KAZN: variants seen among roughly 807,000 people sequenced by gnomAD.
The protein encoded by KAZN is kazrin.
A neutral mutation model predicts 87.4 loss-of-function variants in KAZN; 40 were observed. The observed-to-expected ratio is 0.46, with a 90% confidence interval of 0.36 to 0.60. The LOEUF (loss-of-function observed/expected upper bound fraction) is 0.60. Among genes scored for constraint, KAZN ranks in the 20% least tolerant of loss-of-function variants. The pLI is 0.00. For missense variants in KAZN, 898 were observed against 1,073.9 expected (o/e 0.84, Z 2.29); for synonymous variants, 466 against 458.3 (o/e 1.02, Z -0.22).
chr1:14,075,322 C>T (rs1475698491), intron 1 of KAZN, among the ~76,000 whole-genome samples: 1 of 152,134 alleles, frequency 6.6e-6, no homozygotes, highest in Non-Finnish European at 1.5e-5. Flanking sequence ...TGCCTTCTGC[C>T]ACCCCTGGCA....
chr1:14,774,634 C>T (rs980099942), intron 1 of KAZN, among the ~76,000 whole-genome samples: 3 of 152,128 alleles, frequency 2.0e-5, no homozygotes, highest in Non-Finnish European at 4.4e-5. Flanking sequence ...CCACACCTGG[C>T]TAATTTTTTG....
intron 1 of KAZN, among the ~76,000 whole-genome samples, chr1:14,883,231 G>T (rs917172916): frequency 1.3e-5 from 2 of 150,472 alleles, no homozygotes; most frequent in Non-Finnish European, 3.0e-5. Context: ...GGAGGCGGAG[G>T]TTGCGGTGAG....
chr1:14,100,576 A>G (rs1644227862), intron 1 of KAZN, among the ~76,000 whole-genome samples: 1 of 152,184 alleles, frequency 6.6e-6, no homozygotes, highest in Admixed American at 6.5e-5. Flanking sequence ...AGCTGTGACA[A>G]TATGTGGGAA....
chr1:14,023,192 A>G (rs1052220608), intron 1 of KAZN, among the ~76,000 whole-genome samples: 1 of 152,070 alleles, frequency 6.6e-6, no homozygotes, highest in Non-Finnish European at 1.5e-5. Flanking sequence ...GCATGTTGGC[A>G]TGCGCCTGTA....
chr1:14,146,693 T>C (rs1228043129), intron 1 of KAZN, among the ~76,000 whole-genome samples: 1 of 136,190 alleles, frequency 7.3e-6, no homozygotes, highest in Admixed American at 8.1e-5. Context: ...AAAACTCATT[T>C]TGATCATCTC....
chr1:14,886,503 C>A (rs777256913), intron 1 of KAZN, among the ~76,000 whole-genome samples: 1 of 151,932 alleles, frequency 6.6e-6, no homozygotes, highest in Non-Finnish European at 1.5e-5. Flanking sequence ...CATATAAACA[C>A]GCATATGGCC....
intron 1 of KAZN, among the ~76,000 whole-genome samples, chr1:14,700,691 A>G (rs540438033): frequency 1.2e-4 from 19 of 152,202 alleles, no homozygotes; most frequent in African/African-American, 4.3e-4. Flanking sequence ...TCTCGTGTCT[A>G]AAAAGGCAAT....
chr1:14,208,730 T>C (rs2100441249), intron 2 of KAZN, among the ~76,000 whole-genome samples: 1 of 152,268 alleles, frequency 6.6e-6, no homozygotes, highest in African/African-American at 2.4e-5. Context: ...TAACTGATGG[T>C]AAAATAAAGG....
intron 1 of KAZN, among the ~76,000 whole-genome samples, chr1:14,898,594 G>A (rs1484265991): frequency 1.3e-5 from 2 of 152,138 alleles, no homozygotes; most frequent in Non-Finnish European, 2.9e-5. Flanking sequence ...AGCACCTCCA[G>A]CTTACAGGGA....
At chr1:14,937,684 A>G (rs986006661) in intron 1 of KAZN, among the ~76,000 whole-genome samples, 1 of 152,200 alleles carries the variant, frequency 6.6e-6, no homozygotes, top group African/African-American at 2.4e-5. Context: ...TTCCTGGCAC[A>G]TCCCTGATAG....
At chr1:14,475,091 T>G (rs1668647454) in intron 2 of KAZN, among the ~76,000 whole-genome samples, 1 of 151,964 alleles carries the variant, frequency 6.6e-6, no homozygotes, top group Non-Finnish European at 1.5e-5. Context: ...GGATATTGGA[T>G]GCATAGATGA....
At chr1:14,787,196 G>A (rs962885627) in intron 1 of KAZN, among the ~76,000 whole-genome samples, 14 of 152,324 alleles carry the variant, frequency 9.2e-5, no homozygotes, top group Middle Eastern at 3.4e-3. Flanking sequence ...CAATACATGC[G>A]TTCACGTATG....
At chr1:14,019,071 T>C (rs1346082869) in intron 1 of KAZN, among the ~76,000 whole-genome samples, 1 of 152,220 alleles carries the variant, frequency 6.6e-6, no homozygotes, top group African/African-American at 2.4e-5. Context: ...TCAAAAGCTC[T>C]TTCTAATATA....
chr1:14,736,281 G>GTT (rs1557437653), intron 1 of KAZN, among the ~76,000 whole-genome samples: 20 of 146,078 alleles, frequency 1.4e-4, no homozygotes, highest in African/African-American at 4.5e-4. Flanking sequence ...GTGTGTGTGT[G>GTT]TGTGTGTGTG....
chr1:14,057,655 C>T (rs2101498406), intron 1 of KAZN, among the ~76,000 whole-genome samples: 2 of 152,314 alleles, frequency 1.3e-5, no homozygotes, highest in East Asian at 3.9e-4. Flanking sequence ...TTTCTCCATC[C>T]AGCAAATCCA....
intron 1 of KAZN, among the ~76,000 whole-genome samples, chr1:13,918,225 A>G (rs1355324437): frequency 1.3e-5 from 2 of 152,240 alleles, no homozygotes; most frequent in African/African-American, 4.8e-5. Flanking sequence ...TCTAGATGCT[A>G]TTAAGAACAT....
intron 2 of KAZN, among the ~76,000 whole-genome samples, chr1:14,372,558 G>A (rs917624433): frequency 4.6e-5 from 7 of 152,160 alleles, no homozygotes; most frequent in East Asian, 1.9e-4. Context: ...ATGTCCCCGT[G>A]CATTAGCACA....
chr1:14,873,841 T>C (rs1014907251), intron 1 of KAZN, among the ~76,000 whole-genome samples: 11 of 152,150 alleles, frequency 7.2e-5, no homozygotes, highest in Non-Finnish European at 1.6e-4. Flanking sequence ...CGAGATTCAG[T>C]ATCTAGTTCA....
At chr1:13,975,465 G>A (rs1251076528) in intron 1 of KAZN, among the ~76,000 whole-genome samples, 1 of 152,192 alleles carries the variant, frequency 6.6e-6, no homozygotes, top group Admixed American at 6.5e-5. Context: ...CATGTGTAGC[G>A]GAAAAGAGCT....
Sources: gnomAD v4.1 joint callset for allele counts (sites outside exome capture counted in the v4.1 genomes callset) on GRCh38, gnomAD v4.1.1 for gene constraint, MANE v1.5 for transcripts, NCBI Gene and HGNC (gene_info 2026-07-23, HGNC 2026-07-21) for gene names.